Variants in APOB observed in about 807,000 individuals in gnomAD.
APOB encodes the protein apolipoprotein B-100.
In APOB, 153 loss-of-function variants were observed where a neutral mutation model predicts 314.1. That is an observed-to-expected ratio of 0.49 (90% CI 0.43 to 0.56). The LOEUF is 0.56. APOB is among the 20% of genes least tolerant of loss of function. The pLI, the probability that APOB is intolerant of heterozygous loss-of-function variation, is 0.00. For missense variants in APOB, 5,430 were observed against 5,350.7 expected (o/e 1.01, Z -0.46); for synonymous variants, 2,087 against 2,036.4 (o/e 1.02, Z -0.67).
Position 21,023,435 on chromosome 2 carries a change from T to A in APOB, c.2604+90A>T. The A allele has an allele frequency of 2.7e-6, 4 of 1,476,250 alleles. No individual in the cohort carries two copies. The South Asian group carries it at 4.6e-5, about 17-fold the overall frequency. 91.4% of individuals were successfully genotyped at this position (1,476,250 alleles called of 1,614,324 possible). ...AATGATGAAGCATTTTGTCTTGAAG[T>A]GGAAACACATTTTTAAATATGTTTT... is the stretch of plus-strand genomic sequence containing the variant. On this transcript the variant is annotated intron_variant, in intron 17 of 28. Coordinates refer to ENST00000233242, the MANE Select transcript of APOB (RefSeq NM_000384.3).
At chr2:21,028,659 G>A (rs548663377) in intron 12 of APOB, 121 bp from the exon 13 acceptor site, 7 of 719,876 alleles carry the variant, frequency 9.7e-6, no homozygotes, top group South Asian at 4.8e-5. Flanking sequence ...CTCTGTAATC[G>A]TTCTTCAAAT....
Position 21,002,355 on chromosome 2 carries a change from A to G in APOB, c.13067T>C (p.Leu4356Pro). 6.2e-7 allele frequency: 1 copy of G among 1,609,160 alleles called. No individual in the cohort carries two copies. The highest frequency in any genetic ancestry group is 8.5e-7 in the Non-Finnish European group (1 of 1,178,244). The change falls in exon 29 of 29, where the codon CTT becomes CCT. Residue 4356 changes from leucine to proline, a missense_variant. Transcript: ENST00000233242. ...TTGAATAAATTCATTGAACTTATGA[A>G]GATTAAGGCATAGGTTTTCTTTCAA... Reference protein sequence around the residue: ...KLLKENLCLNLHKFNEFIQNE... With the variant: ...KLLKENLCLNPHKFNEFIQNE...
intron 20 of APOB, among the ~76,000 whole-genome samples, chr2:21,016,864 G>A (rs974292229): frequency 4.0e-5 from 6 of 151,898 alleles, no homozygotes; most frequent in Non-Finnish European, 8.8e-5. Flanking sequence ...GGTGCCTGTA[G>A]TCCCAGCTAC....
chr2:21,025,226 A>T, intron 15 of APOB, 102 bp from the exon 16 acceptor site: 1 of 1,177,202 alleles, frequency 8.5e-7, no homozygotes, highest in Non-Finnish European at 1.2e-6. Flanking sequence ...ATGGGCCTAA[A>T]AAATGCTCCA....
At position 21,007,294 on chromosome 2, in the gene APOB, C is replaced by A. The variant is rs367631875; in HGVS notation, c.9574G>T (p.Val3192Leu). The A allele has an allele frequency of 2.4e-5, 38 of 1,613,686 alleles. No homozygotes were observed. The highest frequency in any genetic ancestry group is 5.3e-5 in the African/African-American group (4 of 74,884). ...HRHSITNPLA[V>L]LCEFISQSIK... is the part of the protein sequence containing the mutation. The stretch of plus-strand genomic sequence containing the variant: ...CTCTGACTGATAAACTCACAAAGCA[C>A]AGCCAAAGGATTTGTGATGGAATGC... Residue 3192 changes from valine (V) to leucine (L), a missense_variant, in exon 26 of 29, where the codon GTG becomes TTG. Transcript: ENST00000233242.
intron 3 of APOB, among the ~76,000 whole-genome samples, chr2:21,042,065 T>G (rs12714254): frequency 0.026 from 3,887 of 152,304 alleles, 134 homozygotes; most frequent in East Asian, 0.084. Context: ...CACGCTGAAA[T>G]CTACAGACCC....
chr2:21,010,144 C>G lies in APOB; in HGVS notation c.6724G>C (p.Gly2242Arg). The G allele has an allele frequency of 6.2e-7, 1 of 1,606,106 alleles. No individual in the cohort carries two copies. Among genetic ancestry groups the G allele is most frequent in the Non-Finnish European group, 8.5e-7 (1 of 1,174,850 alleles). The change falls in exon 26 of 29, where the codon GGA becomes CGA. Residue 2242 changes from glycine (G) to arginine (R), a missense_variant. Physicochemically the swap from Gly to Arg is moderately radical, Grantham distance 125. Coordinates refer to ENST00000233242, the MANE Select transcript of APOB (RefSeq NM_000384.3). ...FIENIDFNKS[G>R]SSTASWIQNV... ...TGAATCCAGGATGCAGTACTACTTC[C>G]ACTTTTGTTAAAATCAATATTTTCA...
intron 8 of APOB, 46 bp from the exon 9 acceptor site, chr2:21,033,564 A>C: frequency 1.3e-5 from 20 of 1,505,110 alleles, no homozygotes; most frequent in East Asian, 2.3e-5. Flanking sequence ...TCTTCATCTC[A>C]ACCATATCTT....
At chr2:21,034,164 T>C (rs1455688238) in intron 8 of APOB, among the ~76,000 whole-genome samples, 1 of 152,170 alleles carries the variant, frequency 6.6e-6, no homozygotes, top group Non-Finnish European at 1.5e-5. Flanking sequence ...GGAAATGTGG[T>C]GTAATGAGAA....
rs1558563624 is a variant in APOB, at chr2:21,009,569, G to A, written c.7299C>T (p.His2433=). The change falls in exon 26 of 29, where the codon CAC becomes CAT. Residue 2433 remains histidine (H), a synonymous_variant. Transcript: ENST00000233242. ...TGTCATTGGTTTCATCTACAAACTG[G>A]TGGTAATCAAATGACTTTAATTTCT... ...LIKKLKSFDY[H]QFVDETNDKI... is the part of the protein sequence containing the mutation. 3 of 1,614,010 alleles carry A rather than the reference G, an allele frequency of 1.9e-6. No homozygotes were observed. The South Asian group carries it at 3.3e-5, about 18-fold the overall frequency.
Position 21,011,837 on chromosome 2 carries a change from G to C in APOB, c.5031C>G (p.Leu1677=), listed in dbSNP as rs1470699800. 3 of 1,614,014 alleles carry C rather than the reference G, an allele frequency of 1.9e-6. No homozygotes were observed. The highest frequency in any genetic ancestry group is 1.7e-5 in the Admixed American group (1 of 59,998). Residue 1677 remains leucine (L), a synonymous_variant, in exon 26 of 29, where the codon CTC becomes CTG. Transcript: ENST00000233242. ...LENELNAELG[L]SGASMKLTTN... ...TTGTTAATTTCATAGATGCCCCAGA[G>C]AGGCCAAGCTCTGCATTCAGCTCAT...
In APOB at chr2:21,009,810, T is replaced by A. The variant is rs1286070833; in HGVS notation, c.7058A>T (p.Gln2353Leu). 1 of 1,613,944 alleles carries A rather than the reference T, an allele frequency of 6.2e-7. No individual in the cohort carries two copies. Among genetic ancestry groups the A allele is most frequent in the Non-Finnish European group, 8.5e-7 (1 of 1,179,986 alleles). Residue 2353 changes from glutamine to leucine, a missense_variant, in exon 26 of 29, where the codon CAA (glutamine) becomes CTA (leucine). Coordinates refer to ENST00000233242, the MANE Select transcript of APOB (RefSeq NM_000384.3). ...ELIERYEVDQ[Q>L]IQVLMDKLVE... ...TAATTTATCCATTAAAACCTGGATT[T>A]GTTGGTCTACTTCATACCTCTCGAT...
rs774901115 is a variant in APOB, at chr2:21,037,168, G to C, written c.625C>G (p.Leu209Val). 3.1e-6 allele frequency: 5 copies of C among 1,614,090 alleles called. No individual in the cohort carries two copies. The African/African-American group carries it at 4.0e-5, about 13-fold the overall frequency. The change falls in exon 6 of 29, where the codon CTG becomes GTG. Residue 209 changes from leucine (L) to valine (V), a missense_variant. Coordinates refer to ENST00000233242, the MANE Select transcript of APOB (RefSeq NM_000384.3). ...GGCTTGAAGCGATCACACTGCCCCA[G>C]GTCTCTTTCAGTGGATATTTCTGTT... ...VATEISTERD[L>V]GQCDRFKPIR...
In APOB at chr2:21,044,068, G is replaced by T; in HGVS notation, c.-123C>A. 1 of 394,968 alleles carries T rather than the reference G, an allele frequency of 2.5e-6. No individual in the cohort carries two copies. The highest frequency in any genetic ancestry group is 4.2e-6 in the Non-Finnish European group (1 of 240,146). 24.5% of individuals were successfully genotyped at this position (394,968 alleles called of 1,614,324 possible). A position where few individuals can be genotyped will look rare whatever the true frequency, so the allele number is the denominator to read the frequency against. On this transcript the variant is annotated 5_prime_UTR_variant, in exon 1 of 29. Transcript: ENST00000233242. ...GGCACTCAGCCCCGCAGGTCCCGGT[G>T]GGAATGCGCGGCCGGCGCCCGCACC... is the stretch of plus-strand genomic sequence containing the variant.
intron 22 of APOB, 25 bp downstream of exon 22, chr2:21,015,345 C>A: frequency 6.2e-7 from 1 of 1,614,050 alleles, no homozygotes; most frequent in Non-Finnish European, 8.5e-7. Context: ...TTTGGAAGTG[C>A]TCACACAGGG....
rs1663772455 is a variant in APOB, at chr2:21,027,839, C to T, written c.2056G>A (p.Asp686Asn). 5.0e-6 allele frequency: 8 copies of T among 1,612,820 alleles called. No homozygotes were observed. Among genetic ancestry groups the T allele is most frequent in the Non-Finnish European group, 6.8e-6 (8 of 1,178,938 alleles). ...CTCTTCACACTTACCTCGATGAGGT[C>T]AGCTGAAGCAAATCCAAAGGCAGTG... is the stretch of plus-strand genomic sequence containing the variant. Reference protein sequence around the residue: ...TLTAFGFASADLIEIGLEGKG... With the variant: ...TLTAFGFASANLIEIGLEGKG... Residue 686 changes from aspartate (D) to asparagine (N), a missense_variant, in exon 14 of 29, where the codon GAC becomes AAC. Asp to Asn is a conservative substitution (Grantham distance 23, BLOSUM62 1). Around this residue, in one of 3 missense-constraint regions of APOB, gnomAD observed 2,085 missense variants for 2,079.7 expected, o/e 1.00. Transcript: ENST00000233242.
intron 28 of APOB, among the ~76,000 whole-genome samples, 174 bp downstream of exon 28, chr2:21,004,095 A>C (rs1167136353): frequency 6.6e-6 from 1 of 152,214 alleles, no homozygotes; most frequent in Non-Finnish European, 1.5e-5. Context: ...ATTAAAATCA[A>C]TCAAGGACTC....
intron 18 of APOB, among the ~76,000 whole-genome samples, chr2:21,020,699 A>G (rs1663586054): frequency 6.6e-6 from 1 of 152,212 alleles, no homozygotes; most frequent in South Asian, 2.1e-4. Context: ...GTTTTTTCTA[A>G]GGATGCTTTC....
At chr2:21,013,023 A>G in intron 25 of APOB, 137 bp downstream of exon 25, 3 of 1,030,016 alleles carry the variant, frequency 2.9e-6, no homozygotes, top group South Asian at 2.9e-5. Flanking sequence ...CTATTTGTTG[A>G]ATAAAATAAA....
Sources: gnomAD v4.1 joint callset for allele counts (sites outside exome capture counted in the v4.1 genomes callset) on GRCh38, gnomAD v4.1.1 for gene constraint, gnomAD v4.1.1 regional missense constraint, MANE v1.5 for transcripts, NCBI Gene and HGNC (gene_info 2026-07-23, HGNC 2026-07-21) for gene names.